The following MBTPS2 variants were observed in gnomAD, a reference collection of about 807,000 sequenced individuals.
MBTPS2 encodes the protein membrane-bound transcription factor site-2 protease.
A neutral mutation model predicts 35.4 loss-of-function variants in MBTPS2; 2 were observed. The ratio of observed to expected loss-of-function variants is 0.06; its 90% confidence interval spans 0.02 to 0.18. MBTPS2 has a LOEUF of 0.18. Among genes scored for constraint, MBTPS2 ranks in the 10% least tolerant of loss-of-function variants. MBTPS2 has a pLI of 1.00. For synonymous variants in MBTPS2, 125 were observed against 140.4 expected, an observed-to-expected ratio of 0.89 and a Z score of 0.77; for missense variants, 244 against 386.5, an observed-to-expected ratio of 0.63 and a Z score of 3.09.
Position 21,839,706 on chromosome X carries a change from G to T in MBTPS2, c.-29G>T. ...TGCAGGGAGGAGGACGCCGGGGCTC[G>T]CCTTCCCTCCTCTGCCGCCGCTGCC... On this transcript the variant is annotated 5_prime_UTR_variant, in exon 1 of 11. Coordinates refer to ENST00000379484, the MANE Select transcript of MBTPS2 (RefSeq NM_015884.4). 1 of 1,165,612 alleles carries T rather than the reference G, an allele frequency of 8.6e-7. No individual in the cohort carries two copies. The highest frequency in any genetic ancestry group is 1.9e-5 in the South Asian group (1 of 52,841).
rs758248880 is a variant in MBTPS2 at position 21,883,742 on chromosome X, A to G, written c.*1087A>G. The G allele has an allele frequency of 1.3e-6, 1 of 751,554 alleles. No individual in the cohort carries two copies. Among genetic ancestry groups the G allele is most frequent in the Non-Finnish European group, 1.6e-6 (1 of 638,585 alleles). The allele number at this position is 751,554 out of a possible 1,213,427, so 61.9% of individuals were successfully genotyped here. A position where few individuals can be genotyped will look rare whatever the true frequency, so the allele number is the denominator to read the frequency against. On this transcript the variant is annotated 3_prime_UTR_variant, in exon 11 of 11. Coordinates refer to ENST00000379484, the MANE Select transcript of MBTPS2 (RefSeq NM_015884.4). ...TAAGCTACCTCTCTGGGTCCACAGA[A>G]GACTTGGTAGTATAGTGAGAATGGC...
At position 21,857,351 on chromosome X, in the gene MBTPS2, C is replaced by T. The variant is rs772810652; in HGVS notation, c.670+3848C>T. 3.0e-5 allele frequency: 36 copies of T among 1,210,934 alleles called. No individual in the cohort carries two copies. The highest frequency in any genetic ancestry group is 4.0e-5 in the Non-Finnish European group (36 of 895,482). ...GAGTCCACGTATGTGCAGAATGTGG[C>T]AAAGCTTTTCTTGAGAGCTCAAAGC... On this transcript the variant is annotated intron_variant, in intron 5 of 10. Transcript: ENST00000379484.
chrX:21,868,403 G>C (rs941723830), intron 5 of MBTPS2, 64 bp from the exon 6 acceptor site: 2 of 701,771 alleles, frequency 2.8e-6, no homozygotes, highest in African/African-American at 4.2e-5. Flanking sequence ...GTGTTGTGAG[G>C]TCCAGCTACT....
chrX:21,852,430 T>C (rs2092915760), intron 4 of MBTPS2, among the ~76,000 whole-genome samples: 1 of 111,722 alleles, frequency 9.0e-6, no homozygotes, highest in Non-Finnish European at 1.9e-5. Context: ...TTATTGGCAA[T>C]AAATCCTCAT....
rs1376250561 is a variant in MBTPS2, at chrX:21,868,451, T to C, written c.671-16T>C. 4.1e-5 allele frequency: 45 copies of C among 1,090,327 alleles called. No individual in the cohort carries two copies. The highest frequency in any genetic ancestry group is 5.7e-5 in the Non-Finnish European group (45 of 786,065). 89.9% of individuals were successfully genotyped at this position (1,090,327 alleles called of 1,213,427 possible). ...GCCCCCGGTTGAGCTTATTGCTTTT[T>C]TTCCTCTCTTTCCAGGTATCTGGCA... On this transcript the variant is annotated splice_polypyrimidine_tract_variant and intron_variant, in intron 5 of 10. Coordinates refer to ENST00000379484, the MANE Select transcript of MBTPS2 (RefSeq NM_015884.4).
At chrX:21,854,975 T>C (rs970771250) in intron 5 of MBTPS2, among the ~76,000 whole-genome samples, 2 of 112,343 alleles carry the variant, frequency 1.8e-5, no homozygotes, top group African/African-American at 6.5e-5. Context: ...TTTACTGAGA[T>C]AATGTTTAAA....
intron 5 of MBTPS2, among the ~76,000 whole-genome samples, chrX:21,866,480 T>C (rs1030360381): frequency 9.0e-6 from 1 of 111,440 alleles, no homozygotes; most frequent in Non-Finnish European, 1.9e-5. Flanking sequence ...CAAAAATAAA[T>C]GTAGTATTCC....
At chrX:21,849,744 C>T (rs1169915308) in intron 3 of MBTPS2, among the ~76,000 whole-genome samples, 2 of 107,690 alleles carry the variant, frequency 1.9e-5, no homozygotes, top group Admixed American at 1.0e-4. Flanking sequence ...GAGACAGGAC[C>T]GGCCGGGCGC....
chrX:21,871,712 G>A (rs1377589369), intron 7 of MBTPS2: 1 of 111,566 alleles, frequency 9.0e-6, no homozygotes, highest in Non-Finnish European at 1.9e-5. Context: ...ACCTGTTTTT[G>A]AAATGTTATT....
chrX:21,867,056 T>C (rs1450572996), intron 5 of MBTPS2, among the ~76,000 whole-genome samples: 1 of 110,495 alleles, frequency 9.1e-6, no homozygotes, highest in Admixed American at 9.7e-5. Flanking sequence ...AAATCCTAAT[T>C]TGAATAATAT....
At chrX:21,863,105 C>G (rs2092935059) in intron 5 of MBTPS2, among the ~76,000 whole-genome samples, 1 of 94,224 alleles carries the variant, frequency 1.1e-5, no homozygotes, top group Non-Finnish European at 2.1e-5. Flanking sequence ...AAAAAAAACA[C>G]ACACACTAAA....
chrX:21,856,490 C>A (rs753344832), intron 5 of MBTPS2: 2 of 1,206,083 alleles, frequency 1.7e-6, no homozygotes, highest in Admixed American at 4.4e-5. Context: ...CAGCCATGGC[C>A]TCCAACGAAG....
At chrX:21,850,529 G>A (rs968211410) in intron 3 of MBTPS2, among the ~76,000 whole-genome samples, 1 of 110,688 alleles carries the variant, frequency 9.0e-6, no homozygotes, top group Non-Finnish European at 1.9e-5. Context: ...TCCTCCAAAA[G>A]GATACCTTTT....
Position 21,845,188 on chromosome X carries a change from T to C in MBTPS2, c.242T>C (p.Val81Ala). The C allele has an allele frequency of 8.3e-7, 1 of 1,210,193 alleles. No homozygotes were observed. The highest frequency in any genetic ancestry group is 1.8e-5 in the South Asian group (1 of 56,937). Residue 81 changes from valine to alanine, a missense_variant, in exon 3 of 11, where the codon GTG becomes GCG. Val to Ala is a moderately conservative substitution (Grantham distance 64). Coordinates refer to ENST00000379484, the MANE Select transcript of MBTPS2 (RefSeq NM_015884.4). ...TTTGACAGGTTCAATTTTGGAATGG[T>C]GTTTGGCGTAATTGCCATGTTTAGC... ...MLYQWFNFGMVFGVIAMFSSF... is the reference protein window; with the variant it reads ...MLYQWFNFGMAFGVIAMFSSF...
intron 8 of MBTPS2, 131 bp from the exon 9 acceptor site, chrX:21,878,366 C>T: frequency 1.8e-6 from 1 of 541,577 alleles, no homozygotes. Flanking sequence ...ATAGTAGATG[C>T]ACATAAATGG....
intron 4 of MBTPS2, 44 bp downstream of exon 4, chrX:21,851,656 G>A (rs1208492467): frequency 2.2e-6 from 2 of 894,589 alleles, no homozygotes; most frequent in African/African-American, 2.0e-5. Flanking sequence ...GCAAAAAAAA[G>A]CTTTTCATTT....
In MBTPS2 at chrX:21,839,941, G is replaced by T. The variant is rs999761968; in HGVS notation, c.75+132G>T. The T allele has an allele frequency of 5.5e-5, 34 of 615,826 alleles. No individual in the cohort carries two copies. In the Middle Eastern group the frequency reaches 2.1e-3, roughly 39 times the overall value. 50.8% of individuals were successfully genotyped at this position (615,826 alleles called of 1,213,427 possible). A position where few individuals can be genotyped will look rare whatever the true frequency, so the allele number is the denominator to read the frequency against. ...CGTGCGACAGTCCGCGTGGTGGATC[G>T]GCCCGGTGGAGTAAATAAAACATTG... is the stretch of plus-strand genomic sequence containing the variant. On this transcript the variant is annotated intron_variant, in intron 1 of 10. Coordinates refer to ENST00000379484, the MANE Select transcript of MBTPS2 (RefSeq NM_015884.4).
At chrX:21,843,543 A>G (rs754374981) in intron 2 of MBTPS2, among the ~76,000 whole-genome samples, 29 of 111,800 alleles carry the variant, frequency 2.6e-4, no homozygotes, top group Non-Finnish European at 4.9e-4. Flanking sequence ...GGGCTTTACA[A>G]TGATCTCTGG....
chrX:21,867,632 CTTTT>C (rs11290067), intron 5 of MBTPS2, among the ~76,000 whole-genome samples: 1 of 84,311 alleles, frequency 1.2e-5, no homozygotes, highest in Non-Finnish European at 2.3e-5. Context: ...ACGGTTTTCT[CTTTT>C]TTTTTTTTTT....
Sources: allele counts gnomAD v4.1 joint callset (sites outside exome capture counted in the v4.1 genomes callset), GRCh38; gene constraint gnomAD v4.1.1; transcripts MANE v1.5; gene names NCBI Gene and HGNC (gene_info 2026-07-23, HGNC 2026-07-21).